The following ACSS3 variants were observed in gnomAD, a reference collection of about 807,000 sequenced individuals.
The protein encoded by ACSS3 is acyl-CoA synthetase short chain family member 3.
Under a neutral mutation model 84.2 loss-of-function variants are expected in ACSS3, and 64 were observed. The observed-to-expected ratio is 0.76, with a 90% CI of 0.62 to 0.94. The LOEUF (loss-of-function observed/expected upper bound fraction) is 0.94. Among genes scored for constraint, ACSS3 ranks in the 40% least tolerant of loss-of-function variants. ACSS3 has a pLI of 0.00. For missense variants in ACSS3, 815 were observed against 867.6 expected (o/e 0.94, Z 0.76); for synonymous variants, 317 against 310.1 (o/e 1.02, Z -0.23).
intron 8 of ACSS3, among the ~76,000 whole-genome samples, chr12:81,198,481 T>C (rs937093429): frequency 2.6e-5 from 4 of 152,112 alleles, no homozygotes; most frequent in Non-Finnish European, 5.9e-5. Flanking sequence ...AGACAGGTTT[T>C]TGTTTGTCAA....
At chr12:81,151,977 T>TC (rs1886633586) in intron 6 of ACSS3, 24 bp from the exon 7 acceptor site, 1 of 1,610,232 alleles carries the variant, frequency 6.2e-7, no homozygotes, top group Admixed American at 1.7e-5. Flanking sequence ...TAAAATATAT[T>TC]CATTTTATTA....
At chr12:81,089,746 A>G (rs1881553473) in intron 1 of ACSS3, among the ~76,000 whole-genome samples, 1 of 152,012 alleles carries the variant, frequency 6.6e-6, no homozygotes, top group African/African-American at 2.4e-5. Flanking sequence ...GGCAAAGACT[A>G]TAGTACTGCT....
Position 81,220,071 on chromosome 12 carries a change from G to A in ACSS3, c.1509G>A (p.Val503=), listed in dbSNP as rs756651725. 1 of 1,532,064 alleles carries A rather than the reference G, an allele frequency of 6.5e-7. No individual in the cohort carries two copies. The highest frequency in any genetic ancestry group is 1.3e-5 in the South Asian group (1 of 74,820). The allele number at this position is 1,532,064 out of a possible 1,614,324, so 94.9% of individuals were successfully genotyped here. A position where few individuals can be genotyped will look rare whatever the true frequency, so the allele number is the denominator to read the frequency against. ...AGGCTCGGTGTTTAGGAAATATTGT[G>A]GTAAAGTAAGCAAAAATTTCAATAC... is the stretch of plus-strand genomic sequence containing the variant. ...KLKARCLGNI[V]VKLPLPPGAF... The change falls in exon 11 of 16, where the codon GTG becomes GTA. Residue 503 remains valine, a synonymous_variant. Coordinates refer to ENST00000548058, the MANE Select transcript of ACSS3 (RefSeq NM_024560.4).
intron 1 of ACSS3, among the ~76,000 whole-genome samples, chr12:81,085,694 A>G (rs558743793): frequency 7.2e-5 from 11 of 152,248 alleles, no homozygotes; most frequent in South Asian, 2.1e-4. Context: ...GACCAAAGAG[A>G]TATGAATTAA....
At chr12:81,173,850 C>A (rs1329621287) in intron 7 of ACSS3, among the ~76,000 whole-genome samples, 1 of 152,128 alleles carries the variant, frequency 6.6e-6, no homozygotes, top group Non-Finnish European at 1.5e-5. Context: ...ATTAGTAATA[C>A]ATCTTAACCC....
intron 7 of ACSS3, among the ~76,000 whole-genome samples, chr12:81,159,840 C>T (rs1434546202): frequency 6.6e-6 from 1 of 152,232 alleles, no homozygotes; most frequent in African/African-American, 2.4e-5. Context: ...CCTTGCCTCT[C>T]TCTTCTTTCT....
intron 5 of ACSS3, 152 bp from the exon 6 acceptor site, chr12:81,151,692 A>G (rs1593131924): frequency 1.6e-6 from 1 of 615,034 alleles, no homozygotes; most frequent in East Asian, 2.9e-5. Context: ...CAAAGAAATA[A>G]TGATTCAAAG....
At chr12:81,187,285 T>G (rs143784851) in intron 8 of ACSS3, among the ~76,000 whole-genome samples, 4 of 151,886 alleles carry the variant, frequency 2.6e-5, no homozygotes, top group African/African-American at 9.6e-5. Context: ...GATGAACAAG[T>G]CTAGAGATCT....
chr12:81,182,443 T>C (rs145010887), intron 8 of ACSS3, among the ~76,000 whole-genome samples: 3 of 152,278 alleles, frequency 2.0e-5, no homozygotes, highest in African/African-American at 7.2e-5. Flanking sequence ...CATGAATACA[T>C]ACAAAAGTAT....
Position 81,259,526 on chromosome 12 carries a change from A to C in ACSS3, c.*4604A>C, listed in dbSNP as rs1271128700. 7.2e-6 allele frequency: 8 copies of C among 1,118,692 alleles called. No homozygotes were observed. The Admixed American group carries it at 1.3e-4, about 19-fold the overall frequency. 69.3% of individuals were successfully genotyped at this position (1,118,692 alleles called of 1,614,324 possible). ...TCAAATGTAATATCTGACTCCCCCC[A>C]AAAATCACATTTTTCAGCTTTTAAT... On this transcript the variant is annotated 3_prime_UTR_variant, in exon 16 of 16. Coordinates refer to ENST00000548058, the MANE Select transcript of ACSS3 (RefSeq NM_024560.4).
chr12:81,186,015 G>A (rs561018508), intron 8 of ACSS3, among the ~76,000 whole-genome samples: 15 of 151,780 alleles, frequency 9.9e-5, no homozygotes, highest in African/African-American at 3.6e-4. Context: ...CATAAACATA[G>A]ATCAGTGTGG....
At position 81,227,398 on chromosome 12, in the gene ACSS3, T is replaced by TACACACACACACAC. The variant is rs34993441; in HGVS notation, c.1515-3647_1515-3634dup. 8.1e-4 allele frequency among the ~76,000 whole-genome samples: 120 copies of TACACACACACACAC among 148,688 alleles called. 1 individual carries two copies. Among genetic ancestry groups the TACACACACACACAC allele is most frequent in the East Asian group, 7.5e-3 (37 of 4,930 alleles). On this transcript the variant is annotated intron_variant, in intron 11 of 15. Coordinates refer to ENST00000548058, the MANE Select transcript of ACSS3 (RefSeq NM_024560.4). ...CCTATTCATAATGTTGAGGACTATT[T>TACACACACACACAC]ACACACACACACACACACACACACA...
At chr12:81,163,227 T>G (rs2135788524) in intron 7 of ACSS3, among the ~76,000 whole-genome samples, 1 of 152,220 alleles carries the variant, frequency 6.6e-6, no homozygotes, top group Admixed American at 6.5e-5. Context: ...GTTTCAAAAA[T>G]ATTATTTTTT....
chr12:81,211,262 G>A (rs986216969), intron 9 of ACSS3, among the ~76,000 whole-genome samples: 9 of 152,124 alleles, frequency 5.9e-5, no homozygotes, highest in African/African-American at 2.2e-4. Context: ...ATGCAGTCAG[G>A]AGCCTCTTTT....
At chr12:81,209,223 T>C (rs755493351) in intron 9 of ACSS3, among the ~76,000 whole-genome samples, 7 of 152,126 alleles carry the variant, frequency 4.6e-5, no homozygotes, top group Admixed American at 2.0e-4. Context: ...CTGTTGGTCC[T>C]GCTGATACAA....
At position 81,259,394 on chromosome 12, in the gene ACSS3, C is replaced by A; in HGVS notation, c.*4472C>A. 1.6e-6 allele frequency: 1 copy of A among 634,506 alleles called. No individual in the cohort carries two copies. The highest frequency in any genetic ancestry group is 1.6e-5 in the South Asian group (1 of 61,862). 39.3% of individuals were successfully genotyped at this position (634,506 alleles called of 1,614,324 possible). ...GTATATTACAATAAAACATGAAAAACAACTGGCTTCATTTCATAAAAGCAT... is the reference window on the plus strand; with the variant it reads ...GTATATTACAATAAAACATGAAAAAAAACTGGCTTCATTTCATAAAAGCAT... On this transcript the variant is annotated 3_prime_UTR_variant, in exon 16 of 16. Coordinates refer to ENST00000548058, the MANE Select transcript of ACSS3 (RefSeq NM_024560.4).
At chr12:81,217,672 G>A (rs868172769) in intron 10 of ACSS3, among the ~76,000 whole-genome samples, 6 of 151,836 alleles carry the variant, frequency 4.0e-5, no homozygotes, top group African/African-American at 7.3e-5. Flanking sequence ...GTGAAACCTC[G>A]TCTCTACTAA....
At chr12:81,164,200 T>G (rs999067120) in intron 7 of ACSS3, among the ~76,000 whole-genome samples, 7 of 152,170 alleles carry the variant, frequency 4.6e-5, no homozygotes, top group African/African-American at 1.7e-4. Flanking sequence ...CTTAAACATG[T>G]TTAGGTACAC....
chr12:81,133,118 T>C (rs201605837), intron 2 of ACSS3, among the ~76,000 whole-genome samples: 1 of 2,132 alleles, frequency 4.7e-4, no homozygotes, highest in South Asian at 8.9e-3. Flanking sequence ...TAAAATCGTG[T>C]TTTTTTTTTT....
Sources: gnomAD v4.1 joint callset for allele counts (sites outside exome capture counted in the v4.1 genomes callset) on GRCh38, gnomAD v4.1.1 for gene constraint, MANE v1.5 for transcripts, NCBI Gene and HGNC (gene_info 2026-07-23, HGNC 2026-07-21) for gene names.